Variants in TTN observed in about 807,000 individuals in gnomAD.
TTN encodes titin, also known as connectin.
A neutral mutation model predicts 3,223.0 loss-of-function variants in TTN; 1,525 were observed. The ratio of observed to expected loss-of-function variants is 0.47; its 90% CI spans 0.45 to 0.49. The LOEUF is 0.49. Among genes scored for constraint, TTN ranks in the 20% least tolerant of loss-of-function variants. TTN has a pLI of 0.00. For missense variants in TTN, 40,786 were observed against 43,424.0 expected, an observed-to-expected ratio of 0.94 and a Z score of 5.40; for synonymous variants, 14,094 against 15,161.0, an observed-to-expected ratio of 0.93 and a Z score of 5.17.
At chr2:178,681,594 T>C (rs1456230063) in intron 136 of TTN, 67 bp downstream of exon 136, 1 of 1,516,930 alleles carries the variant, frequency 6.6e-7, no homozygotes, top group Non-Finnish European at 9.0e-7. Context: ...TACATATATT[T>C]TTATAGTAGG....
At chr2:178,786,246 G>T in intron 13 of TTN, 105 bp from the exon 14 acceptor site, 2 of 1,192,118 alleles carry the variant, frequency 1.7e-6, no homozygotes, top group Non-Finnish European at 1.2e-6. Context: ...ATACAGCAGT[G>T]TTAACGTGTC....
chr2:178,646,056 A>G, intron 216 of TTN, 26 bp from the exon 217 acceptor site: 2 of 1,325,882 alleles, frequency 1.5e-6, no homozygotes, highest in Non-Finnish European at 2.0e-6. Context: ...CAGAGGTGTT[A>G]GTATATGTAT....
chr2:178,610,105 C>A lies in TTN; in HGVS notation c.51421G>T (p.Ala17141Ser). 1 of 1,612,788 alleles carries A rather than the reference C, an allele frequency of 6.2e-7. No individual in the cohort carries two copies. Among genetic ancestry groups the A allele is most frequent in the Non-Finnish European group, 8.5e-7 (1 of 1,179,270 alleles). The change falls in exon 271 of 363, where the codon GCT becomes TCT. Residue 17141 changes from alanine (A) to serine (S), a missense_variant. By Grantham distance (99) the Ala-to-Ser change is moderately conservative. Coordinates refer to ENST00000589042, the MANE Select transcript of TTN (RefSeq NM_001267550.2). The part of the protein sequence containing the change: ...EYIELKNPVI[A>S]QDPKQPPDPP... Reference sequence around the variant, plus strand: ...CCAAACTTACGCTTTGGATCTTGAGCAATGACTGGATTTTTCAGTTCAATA... The same window carrying A: ...CCAAACTTACGCTTTGGATCTTGAGAAATGACTGGATTTTTCAGTTCAATA...
rs755417012 is a variant in TTN, at chr2:178,598,795, C to G, written c.56915G>C (p.Gly18972Ala). The G allele has an allele frequency of 6.2e-7, 1 of 1,613,402 alleles. No homozygotes were observed. Among genetic ancestry groups the G allele is most frequent in the East Asian group, 2.2e-5 (1 of 44,796 alleles). ...TGGGTCTGATGGCAGACTTGCTGGA[C>G]CCACGCCAGCAGCATTGATTGCATA... ...RVYAINAAGVGPASLPSDPAT... is the reference protein window; with the variant it reads ...RVYAINAAGVAPASLPSDPAT... Residue 18972 changes from glycine (G) to alanine (A), a missense_variant, in exon 291 of 363, where the codon GGT becomes GCT. Physicochemically the swap from Gly to Ala is moderately conservative, Grantham distance 60. Transcript: ENST00000589042.
At position 178,604,107 on chromosome 2, in the gene TTN, C is replaced by T; in HGVS notation, c.54580G>A (p.Gly18194Ser). 1 of 1,612,602 alleles carries T rather than the reference C, an allele frequency of 6.2e-7. No individual in the cohort carries two copies. Among genetic ancestry groups the T allele is most frequent in the African/African-American group, 1.3e-5 (1 of 74,946 alleles). ...LVSWTPPLDN[G>S]GSPITGYWLE... ...CAGTAGCCAGTAATTGGAGAGCCAC[C>T]ATTGTCCAAAGGAGGAGTCCAGCTC... Residue 18194 changes from glycine (G) to serine (S), a missense_variant, in exon 282 of 363, where the codon GGT becomes AGT. Physicochemically the swap from Gly to Ser is moderately conservative, Grantham distance 56 (BLOSUM62 0). Transcript: ENST00000589042.
At chr2:178,536,824 T>G (rs1211321049) in intron 356 of TTN, 114 bp downstream of exon 356, 4 of 1,040,822 alleles carry the variant, frequency 3.8e-6, no homozygotes, top group Admixed American at 3.0e-5. Flanking sequence ...AAAAGGCACT[T>G]GTACTTTATC....
At position 178,586,799 on chromosome 2, in the gene TTN, C is replaced by T; in HGVS notation, c.64102G>A (p.Asp21368Asn). Residue 21368 changes from aspartate to asparagine, a missense_variant, in exon 308 of 363, where the codon GAT becomes AAT. By Grantham distance (23) the Asp-to-Asn change is conservative. Coordinates refer to ENST00000589042, the MANE Select transcript of TTN (RefSeq NM_001267550.2). ...GTCACTTCTAATTTCCTTGGGGGAT[C>T]CGGCTCACCTAGAAGAAAAACATAA... Reference protein sequence around the residue: ...VLASDPLSEPDPPRKLEVTEM... With the variant: ...VLASDPLSEPNPPRKLEVTEM... The T allele has an allele frequency of 6.2e-7, 1 of 1,611,110 alleles. No individual in the cohort carries two copies. The highest frequency in any genetic ancestry group is 2.2e-5 in the East Asian group (1 of 44,746).
rs750745719 is a variant in TTN at position 178,729,114 on chromosome 2, A to G, written c.18924T>C (p.Ser6308=). 6.2e-7 allele frequency: 1 copy of G among 1,609,548 alleles called. No homozygotes were observed. The highest frequency in any genetic ancestry group is 8.5e-7 in the Non-Finnish European group (1 of 1,177,974). Residue 6308 remains serine, a synonymous_variant, in exon 65 of 363, where the codon TCT becomes TCC. Coordinates refer to ENST00000589042, the MANE Select transcript of TTN (RefSeq NM_001267550.2). ...IENTTTVLKS[S]ATFQSTVAGS... ...CTGCCACGGTACTCTGAAAGGTGGC[A>G]GAACTTTTCAAAACAGTAGTGGTAT...
Position 178,568,029 on chromosome 2 carries a change from T to C in TTN, c.78103A>G (p.Ile26035Val). 1 of 1,613,424 alleles carries C rather than the reference T, an allele frequency of 6.2e-7. No homozygotes were observed. Among genetic ancestry groups the C allele is most frequent in the Non-Finnish European group, 8.5e-7 (1 of 1,179,594 alleles). The change falls in exon 326 of 363, where the codon ATT becomes GTT. Residue 26035 changes from isoleucine (I) to valine (V), a missense_variant. Ile to Val is a conservative substitution (Grantham distance 29, BLOSUM62 3). Coordinates refer to ENST00000589042, the MANE Select transcript of TTN (RefSeq NM_001267550.2). ...YHLERKERNSILWTKVNKTII... is the reference protein window; with the variant it reads ...YHLERKERNSVLWTKVNKTII... The stretch of plus-strand genomic sequence containing the variant: ...GTTTTGTTGACCTTTGTCCACAAAA[T>C]ACTGTTTCTTTCTTTTCTCTCCAGG...
Position 178,535,109 on chromosome 2 carries a change from A to T in TTN, c.101506T>A (p.Cys33836Ser), listed in dbSNP as rs766439271. 1.0e-4 allele frequency: 162 copies of T among 1,613,738 alleles called. No individual in the cohort carries two copies. Among genetic ancestry groups the T allele is most frequent in the Middle Eastern group, 8.2e-4 (5 of 6,084 alleles). Residue 33836 changes from cysteine to serine, a missense_variant, in exon 358 of 363, where the codon TGT becomes AGT. Cys to Ser is a moderately radical substitution (Grantham distance 112, BLOSUM62 -1). Coordinates refer to ENST00000589042, the MANE Select transcript of TTN (RefSeq NM_001267550.2). ...GRGEFGIVHR[C>S]VETSSKKTYM... is the part of the protein sequence containing the mutation. Reference sequence around the variant, plus strand: ...GTCTTCTTTGAGGATGTTTCAACACAACGATGGACAATTCCAAACTCACCA... The same window carrying T: ...GTCTTCTTTGAGGATGTTTCAACACTACGATGGACAATTCCAAACTCACCA...
chr2:178,766,065 C>A (rs529082943), intron 41 of TTN, among the ~76,000 whole-genome samples: 2 of 152,224 alleles, frequency 1.3e-5, no homozygotes, highest in South Asian at 2.1e-4. Context: ...GGGCAGAGAA[C>A]TAAAATAGTT....
At chr2:178,794,651 A>C in intron 7 of TTN, 100 bp from the exon 8 acceptor site, 2 of 1,385,534 alleles carry the variant, frequency 1.4e-6, no homozygotes, top group Non-Finnish European at 2.0e-6. Context: ...AGCAAAATAC[A>C]CTCATACATA....
In TTN at chr2:178,605,620, C is replaced by T; in HGVS notation, c.53675G>A (p.Ser17892Asn). 1 of 1,612,126 alleles carries T rather than the reference C, an allele frequency of 6.2e-7. No homozygotes were observed. The highest frequency in any genetic ancestry group is 1.1e-5 in the South Asian group (1 of 90,930). The part of the protein sequence containing the change: ...DWKEPRSNGG[S>N]PIQGYIIEKR... ...TTCAATGATATATCCTTGGATGGGA[C>T]TGCCACCATTACTGCGGGGCTCTTT... Residue 17892 changes from serine (S) to asparagine (N), a missense_variant, in exon 279 of 363, where the codon AGT becomes AAT. Coordinates refer to ENST00000589042, the MANE Select transcript of TTN (RefSeq NM_001267550.2).
rs147208417 is a variant in TTN at position 178,605,087 on chromosome 2, A to G, written c.54090T>C (p.Leu18030=). 6.2e-7 allele frequency: 1 copy of G among 1,612,778 alleles called. No homozygotes were observed. The highest frequency in any genetic ancestry group is 2.2e-5 in the East Asian group (1 of 44,720). The stretch of plus-strand genomic sequence containing the variant: ...CCTCCCGGACCGCTTTGGGAATGCT[A>G]AGCTCAGTTTTTGCCTCACTTCGGG... The part of the protein sequence containing the change: ...EVSRSEAKTE[L]SIPKAVREDK... Residue 18030 remains leucine (L), a synonymous_variant, in exon 280 of 363, where the codon CTT becomes CTC. Transcript: ENST00000589042.
chr2:178,763,015 A>G (rs1242567279), intron 43 of TTN, among the ~76,000 whole-genome samples: 1 of 152,234 alleles, frequency 6.6e-6, no homozygotes, highest in African/African-American at 2.4e-5. Context: ...AGAAAAATAA[A>G]TCTTGACAAG....
chr2:178,527,170 G>A lies in TTN; in HGVS notation c.107818C>T (p.Gln35940Ter), dbSNP rs948763815. Reference sequence around the variant, plus strand: ...TCAATGTGGAACCTCCCCTGTTCTTGACTGTGGATTTTTCTTCCACCACAG... The same window carrying A: ...TCAATGTGGAACCTCCCCTGTTCTTAACTGTGGATTTTTCTTCCACCACAG... ...WSCGGRKIHS[Q>*]EQGRFHIENT... The change falls in exon 363 of 363, where the codon CAA (glutamine) becomes TAA (stop). Residue 35940 changes from glutamine (Q) to a stop codon, truncating the protein, a stop_gained. Coordinates refer to ENST00000589042, the MANE Select transcript of TTN (RefSeq NM_001267550.2). LOFTEE classifies it high-confidence loss of function. 1 of 1,613,836 alleles carries A rather than the reference G, an allele frequency of 6.2e-7. No homozygotes were observed. Among genetic ancestry groups the A allele is most frequent in the African/African-American group, 1.3e-5 (1 of 74,910 alleles).
chr2:178,568,865 G>C lies in TTN; in HGVS notation c.77267C>G (p.Ala25756Gly). 6.2e-7 allele frequency: 1 copy of C among 1,612,986 alleles called. No individual in the cohort carries two copies. The highest frequency in any genetic ancestry group is 8.5e-7 in the Non-Finnish European group (1 of 1,179,546). The change falls in exon 326 of 363, where the codon GCA becomes GGA. Residue 25756 changes from alanine to glycine, a missense_variant. Transcript: ENST00000589042. ...SECARVKSLQ[A>G]VITNLTQGEE... ...CCCTTGAGTTAGGTTGGTAATTACT[G>C]CCTGAAGAGACTTTACTCGAGCACA...
rs878854289 is a variant in TTN at position 178,728,609 on chromosome 2, C to G, written c.19317G>C (p.Val6439=). The change falls in exon 66 of 363, where the codon GTG becomes GTC. Residue 6439 remains valine, a synonymous_variant. Transcript: ENST00000589042. Reference sequence around the variant, plus strand: ...TTACTGACTGAATTCTAAAACTGGCCACGTTATTTTCAAAACTCATTGAAA... The same window carrying G: ...TTACTGACTGAATTCTAAAACTGGCGACGTTATTTTCAAAACTCATTGAAA... ...RYFSMSFENN[V]ASFRIQSVMK... 6.2e-7 allele frequency: 1 copy of G among 1,613,052 alleles called. No individual in the cohort carries two copies. The highest frequency in any genetic ancestry group is 8.5e-7 in the Non-Finnish European group (1 of 1,179,540).
Position 178,590,094 on chromosome 2 carries a change from T to A in TTN, c.61631A>T (p.His20544Leu). The change falls in exon 304 of 363, where the codon CAT becomes CTT. Residue 20544 changes from histidine (H) to leucine (L), a missense_variant. Coordinates refer to ENST00000589042, the MANE Select transcript of TTN (RefSeq NM_001267550.2). Reference protein sequence around the residue: ...LQIKEAVRADHGKYIISAKNS... With the variant: ...LQIKEAVRADLGKYIISAKNS... ...CTTAGCTGAGATGATATACTTGCCA[T>A]GATCAGCTCTAACAGCTTCTTTAAT... 1 of 1,613,266 alleles carries A rather than the reference T, an allele frequency of 6.2e-7. No homozygotes were observed. The highest frequency in any genetic ancestry group is 8.5e-7 in the Non-Finnish European group (1 of 1,179,488).
Sources: allele counts gnomAD v4.1 joint callset (sites outside exome capture counted in the v4.1 genomes callset), GRCh38; gene constraint gnomAD v4.1.1; transcripts MANE v1.5; gene names NCBI Gene and HGNC (gene_info 2026-07-23, HGNC 2026-07-21).